The following NRCAM variants were observed in gnomAD, a reference collection of about 807,000 sequenced individuals.
The protein encoded by NRCAM is NgCAM-related cell adhesion molecule.
NRCAM carries 83 observed loss-of-function variants against 156.5 expected under a neutral mutation model. That is an observed-to-expected ratio of 0.53 (90% CI 0.44 to 0.64). NRCAM has a LOEUF of 0.64. Among genes scored for constraint, NRCAM ranks in the 30% least tolerant of loss-of-function variants. The probability of loss-of-function intolerance (pLI) is 0.00; values close to 1 mark genes in which losing one functional copy is unlikely to be tolerated. For synonymous variants in NRCAM, 538 were observed against 563.9 expected, an observed-to-expected ratio of 0.95 and a Z score of 0.65; for missense variants, 1,417 against 1,597.3, an observed-to-expected ratio of 0.89 and a Z score of 1.92.
At chr7:108,198,176 G>C (rs2076117883) in intron 13 of NRCAM, 77 bp from the exon 14 acceptor site, 3 of 1,218,856 alleles carry the variant, frequency 2.5e-6, no homozygotes, top group Admixed American at 2.3e-5. Flanking sequence ...AAGTCAGTAG[G>C]ACATAAATAA....
intron 1 of NRCAM, among the ~76,000 whole-genome samples, chr7:108,435,915 G>A (rs1157635023): frequency 2.6e-5 from 4 of 152,206 alleles, no homozygotes; most frequent in Non-Finnish European, 5.9e-5. Context: ...GGTGGATCAC[G>A]AGGGTAGGAG....
At chr7:108,168,183 C>A in intron 29 of NRCAM, 94 bp downstream of exon 29, 1 of 1,253,648 alleles carries the variant, frequency 8.0e-7, no homozygotes, top group Non-Finnish European at 1.0e-6. Context: ...AGTTATTTTT[C>A]AAGATGATCC....
At chr7:108,303,298 C>T (rs9656147) in intron 3 of NRCAM, among the ~76,000 whole-genome samples, 49,099 of 151,908 alleles carry the variant, frequency 0.32, 8,172 homozygotes, top group African/African-American at 0.37. Flanking sequence ...AGTATCACCA[C>T]CATCTGTCCA....
In NRCAM at chr7:108,191,165, T is replaced by A. The variant is rs1451068885; in HGVS notation, c.1933+89A>T. ...ACCTTTTCCTTAAGAAACACAATTATGTGACATAGAAAAGAAAGTTATGAA... is the reference window on the plus strand; with the variant it reads ...ACCTTTTCCTTAAGAAACACAATTAAGTGACATAGAAAAGAAAGTTATGAA... On this transcript the variant is annotated intron_variant, in intron 19 of 32. Transcript: ENST00000379028. The A allele has an allele frequency of 5.6e-6, 6 of 1,067,598 alleles. No individual in the cohort carries two copies. The Admixed American group carries it at 1.2e-4, about 21-fold the overall frequency. The allele number at this position is 1,067,598 out of a possible 1,614,324, so 66.1% of individuals were successfully genotyped here. A position where few individuals can be genotyped will look rare whatever the true frequency, so the allele number is the denominator to read the frequency against.
intron 1 of NRCAM, among the ~76,000 whole-genome samples, chr7:108,405,253 T>C (rs1351455517): frequency 1.3e-5 from 2 of 152,232 alleles, no homozygotes; most frequent in African/African-American, 4.8e-5. Context: ...TTTAGCAATA[T>C]GCTGGAATAC....
chr7:108,377,121 G>T (rs528570671), intron 2 of NRCAM, among the ~76,000 whole-genome samples: 1 of 152,134 alleles, frequency 6.6e-6, no homozygotes, highest in Non-Finnish European at 1.5e-5. Flanking sequence ...CCATGATCAC[G>T]CTATTGCACT....
chr7:108,424,835 A>G (rs939462697), intron 1 of NRCAM, among the ~76,000 whole-genome samples: 1 of 152,198 alleles, frequency 6.6e-6, no homozygotes, highest in Admixed American at 6.5e-5. Context: ...AATGTCTAAT[A>G]GAATATATAT....
At chr7:108,278,844 T>A (rs981090634) in intron 3 of NRCAM, among the ~76,000 whole-genome samples, 2 of 152,232 alleles carry the variant, frequency 1.3e-5, no homozygotes, top group African/African-American at 4.8e-5. Context: ...GTCTTCTGTG[T>A]CGATCTTGCT....
In NRCAM at chr7:108,164,290, C is replaced by T. The variant is rs369084136; in HGVS notation, c.3466+2631G>A. Reference sequence around the variant, plus strand: ...GGGAAGAAGCGCAGCATCAGGACACCGCCTATCTCGTCTGTTTTTCAGTTT... The same window carrying T: ...GGGAAGAAGCGCAGCATCAGGACACTGCCTATCTCGTCTGTTTTTCAGTTT... On this transcript the variant is annotated intron_variant, in intron 30 of 32. Transcript: ENST00000379028. 1.9e-4 allele frequency among the ~76,000 whole-genome samples: 29 copies of T among 151,958 alleles called. No homozygotes were observed. In the East Asian group the frequency reaches 4.1e-3, roughly 21 times the overall value.
At chr7:108,276,182 T>C (rs2097595631) in intron 3 of NRCAM, among the ~76,000 whole-genome samples, 1 of 152,202 alleles carries the variant, frequency 6.6e-6, no homozygotes, top group Admixed American at 6.5e-5. Flanking sequence ...ATAAGTGCGA[T>C]GTGGTGCTGA....
At chr7:108,417,307 G>A (rs1444511218) in intron 1 of NRCAM, among the ~76,000 whole-genome samples, 2 of 152,174 alleles carry the variant, frequency 1.3e-5, no homozygotes, top group Non-Finnish European at 2.9e-5. Flanking sequence ...AGTCTGAGAA[G>A]TCCAGTATCA....
chr7:108,304,265 TA>T (rs2098680760), intron 3 of NRCAM, among the ~76,000 whole-genome samples: 1 of 152,230 alleles, frequency 6.6e-6, no homozygotes, highest in African/African-American at 2.4e-5. Context: ...AATGATCAGT[TA>T]AAGTCCAAAC....
At chr7:108,170,829 T>A (rs2058045928) in intron 28 of NRCAM, among the ~76,000 whole-genome samples, 4 of 151,160 alleles carry the variant, frequency 2.6e-5, no homozygotes, top group Admixed American at 2.6e-4. Flanking sequence ...TGTAGAATAG[T>A]GGTTGCCAGG....
intron 5 of NRCAM, among the ~76,000 whole-genome samples, chr7:108,236,773 T>G (rs893078520): frequency 6.6e-6 from 1 of 152,052 alleles, no homozygotes; most frequent in Non-Finnish European, 1.5e-5. Flanking sequence ...GTATATAGAA[T>G]TTGGGATAAT....
chr7:108,366,845 T>C (rs62469226), intron 2 of NRCAM, among the ~76,000 whole-genome samples: 10,369 of 152,284 alleles, frequency 0.068, 478 homozygotes, highest in Non-Finnish European at 0.1. Flanking sequence ...AATGATCATT[T>C]GTCATCTTAG....
chr7:108,234,916 G>C, intron 5 of NRCAM: 1 of 674,588 alleles, frequency 1.5e-6, no homozygotes, highest in Non-Finnish European at 2.7e-6. Flanking sequence ...TACTTGCAAA[G>C]TCCATTTTCT....
chr7:108,245,766 C>T (rs1285840664), intron 3 of NRCAM, among the ~76,000 whole-genome samples: 1 of 152,192 alleles, frequency 6.6e-6, no homozygotes, highest in Non-Finnish European at 1.5e-5. Context: ...GGGACACTGA[C>T]ATTAGATTAT....
intron 3 of NRCAM, among the ~76,000 whole-genome samples, chr7:108,250,133 A>T (rs1354720709): frequency 6.6e-6 from 1 of 152,200 alleles, no homozygotes; most frequent in African/African-American, 2.4e-5. Context: ...CATAAAAGTG[A>T]ATGAGGACAG....
At chr7:108,356,934 G>A (rs2099507071) in intron 2 of NRCAM, among the ~76,000 whole-genome samples, 1 of 152,184 alleles carries the variant, frequency 6.6e-6, no homozygotes, top group South Asian at 2.1e-4. Context: ...CTTCATGATG[G>A]AATTAGTGCC....
Sources: allele counts gnomAD v4.1 joint callset (sites outside exome capture counted in the v4.1 genomes callset), GRCh38; gene constraint gnomAD v4.1.1; transcripts MANE v1.5; gene names NCBI Gene and HGNC (gene_info 2026-07-23, HGNC 2026-07-21).